The following PDLIM5 variants were observed in gnomAD, a reference collection of about 807,000 sequenced individuals.
PDLIM5 encodes the protein PDZ and LIM domain 5.
In PDLIM5, 34 loss-of-function variants were observed where a neutral mutation model predicts 64.2. That is an observed-to-expected ratio of 0.53 (90% CI 0.40 to 0.71). The LOEUF is 0.71. Ranked by LOEUF, PDLIM5 falls within the 30% of genes least tolerant of loss-of-function variation. PDLIM5 has a pLI of 0.00. For missense variants in PDLIM5, 683 were observed against 733.6 expected (o/e 0.93, Z 0.80); for synonymous variants, 253 against 269.1 (o/e 0.94, Z 0.59).
intron 7 of PDLIM5, chr4:94,610,918 C>G: frequency 1.7e-6 from 1 of 573,336 alleles, no homozygotes; most frequent in Non-Finnish European, 3.1e-6. Context: ...CTTTCATCCT[C>G]CTTTGCTGCT....
At chr4:94,652,718 C>A (rs916928902) in intron 9 of PDLIM5, among the ~76,000 whole-genome samples, 1 of 151,668 alleles carries the variant, frequency 6.6e-6, no homozygotes, top group Admixed American at 6.6e-5. Context: ...ATTATGGTAC[C>A]CTAAAGTTTT....
chr4:94,455,657 T>G (rs1182563281), intron 2 of PDLIM5: 3 of 794,820 alleles, frequency 3.8e-6, no homozygotes, highest in South Asian at 3.5e-5. Context: ...ATTTTTGAAC[T>G]GTCCCTAATT....
At chr4:94,582,678 C>G (rs375268139) in intron 5 of PDLIM5, 8 of 1,482,688 alleles carry the variant, frequency 5.4e-6, no homozygotes, top group Non-Finnish European at 7.5e-6. Context: ...CTTCTCTACT[C>G]TATCGCATCT....
intron 3 of PDLIM5, among the ~76,000 whole-genome samples, chr4:94,557,020 A>G (rs1367725896): frequency 6.6e-6 from 1 of 152,178 alleles, no homozygotes; most frequent in Admixed American, 6.6e-5. Flanking sequence ...GGTTTCTTCT[A>G]GGGTTTTTAT....
chr4:94,585,964 G>A (rs898454022), intron 6 of PDLIM5, among the ~76,000 whole-genome samples: 1 of 152,166 alleles, frequency 6.6e-6, no homozygotes, highest in Admixed American at 6.5e-5. Context: ...GAGGTCATGA[G>A]TTCGAGACCA....
chr4:94,661,794 T>C (rs2110507738), intron 11 of PDLIM5, among the ~76,000 whole-genome samples: 1 of 152,216 alleles, frequency 6.6e-6, no homozygotes, highest in Non-Finnish European at 1.5e-5. Context: ...AACAGTCATG[T>C]CTACTGATAA....
intron 7 of PDLIM5, among the ~76,000 whole-genome samples, chr4:94,613,036 A>G (rs1289767925): frequency 1.3e-5 from 2 of 151,832 alleles, no homozygotes; most frequent in Non-Finnish European, 2.9e-5. Context: ...ATTTTCTTCT[A>G]AATATAGAAT....
At chr4:94,622,649 T>C (rs1560747403) in intron 8 of PDLIM5, among the ~76,000 whole-genome samples, 1 of 143,082 alleles carries the variant, frequency 7.0e-6, no homozygotes, top group Non-Finnish European at 1.5e-5. Context: ...TCCCTCCCTC[T>C]CTCCCTCCCT....
At chr4:94,500,271 C>T (rs951858232) in intron 2 of PDLIM5, among the ~76,000 whole-genome samples, 1 of 152,130 alleles carries the variant, frequency 6.6e-6, no homozygotes, top group African/African-American at 2.4e-5. Flanking sequence ...AGTTTCTGCA[C>T]CTGTTAGCAA....
At chr4:94,489,236 G>A (rs1186956229) in intron 2 of PDLIM5, among the ~76,000 whole-genome samples, 2 of 152,112 alleles carry the variant, frequency 1.3e-5, no homozygotes, top group African/African-American at 2.4e-5. Flanking sequence ...GCTGTGAACC[G>A]GGCCTATCTA....
chr4:94,567,583 T>C (rs1465995446), intron 3 of PDLIM5, among the ~76,000 whole-genome samples: 1 of 151,910 alleles, frequency 6.6e-6, no homozygotes, highest in Non-Finnish European at 1.5e-5. Flanking sequence ...TAGAAAATAA[T>C]GGGAAAGAAG....
At chr4:94,503,976 C>T (rs1728159062) in intron 2 of PDLIM5, among the ~76,000 whole-genome samples, 1 of 152,134 alleles carries the variant, frequency 6.6e-6, no homozygotes, top group African/African-American at 2.4e-5. Flanking sequence ...CTTTATGGGA[C>T]AATTTAAATA....
chr4:94,539,695 C>T (rs1731613073), intron 3 of PDLIM5, among the ~76,000 whole-genome samples: 1 of 152,066 alleles, frequency 6.6e-6, no homozygotes, highest in South Asian at 2.1e-4. Context: ...CAACATGTTC[C>T]AGGAGATATT....
At chr4:94,542,323 T>G (rs764842290) in intron 3 of PDLIM5, among the ~76,000 whole-genome samples, 1 of 151,264 alleles carries the variant, frequency 6.6e-6, no homozygotes, top group Admixed American at 6.6e-5. Flanking sequence ...AATAAATAAA[T>G]AAATAAATAA....
chr4:94,607,676 C>T (rs530093113), intron 7 of PDLIM5, among the ~76,000 whole-genome samples: 7 of 152,276 alleles, frequency 4.6e-5, no homozygotes, highest in African/African-American at 1.7e-4. Context: ...ACAGGCAGAC[C>T]TGGTCCAAAT....
At chr4:94,659,963 C>G (rs1010857168) in intron 11 of PDLIM5, among the ~76,000 whole-genome samples, 2 of 149,908 alleles carry the variant, frequency 1.3e-5, no homozygotes, top group Middle Eastern at 3.2e-3. Flanking sequence ...GTGGCCCGAT[C>G]TCGGCTCACC....
At chr4:94,611,321 C>T in intron 7 of PDLIM5, 1 of 783,678 alleles carries the variant, frequency 1.3e-6, no homozygotes, top group South Asian at 1.8e-5. Context: ...GGATTTGTGC[C>T]CAATTTTGAA....
chr4:94,578,625 T>A (rs1286111239), intron 5 of PDLIM5, among the ~76,000 whole-genome samples: 2 of 152,188 alleles, frequency 1.3e-5, no homozygotes, highest in African/African-American at 4.8e-5. Context: ...ACTTTACTAG[T>A]CAGTGATGTG....
intron 3 of PDLIM5, among the ~76,000 whole-genome samples, chr4:94,533,725 T>C (rs1299456752): frequency 6.6e-6 from 1 of 152,214 alleles, no homozygotes; most frequent in African/African-American, 2.4e-5. Flanking sequence ...TCTCTTCCTA[T>C]TTCTCTCTTC....
Sources: gnomAD v4.1 joint callset for allele counts (sites outside exome capture counted in the v4.1 genomes callset) on GRCh38, gnomAD v4.1.1 for gene constraint, MANE v1.5 for transcripts, NCBI Gene and HGNC (gene_info 2026-07-23, HGNC 2026-07-21) for gene names.